ZNF138: variants seen among roughly 807,000 people sequenced by gnomAD.
The protein encoded by ZNF138 is zinc finger protein 138, also known as zinc finger protein 138 (clone pHZ-32).
Under a neutral mutation model 33.0 loss-of-function variants are expected in ZNF138, and 33 were observed. The ratio of observed to expected loss-of-function variants is 1.00; its 90% CI spans 0.76 to 1.34. ZNF138 has a LOEUF of 1.34. Ranked by LOEUF, ZNF138 falls within the 40% of genes most tolerant of loss-of-function variation. ZNF138 has a pLI of 0.00. For synonymous variants in ZNF138, 139 were observed against 120.4 expected (o/e 1.15, Z -1.01); for missense variants, 360 against 370.8 (o/e 0.97, Z 0.24).
intron 3 of ZNF138, 94 bp from the exon 4 acceptor site, chr7:64,831,357 T>C: frequency 8.5e-7 from 1 of 1,179,960 alleles, no homozygotes; most frequent in Non-Finnish European, 1.2e-6. Flanking sequence ...CCATCTTGCT[T>C]ATGTAGTTTG....
chr7:64,817,545 A>G lies in ZNF138; in HGVS notation c.208+1892A>G, dbSNP rs542303633. ...TATTTTTGACATGGGGTCTTGCTAC[A>G]TAACCCAAGCTGGTCTTGAAATCCT... On this transcript the variant is annotated intron_variant, in intron 3 of 3. Coordinates refer to ENST00000307355, the MANE Select transcript of ZNF138 (RefSeq NM_001271639.2). 3.4e-3 allele frequency among the ~76,000 whole-genome samples: 521 copies of G among 152,314 alleles called. 8 individuals are homozygous for G. The highest frequency in any genetic ancestry group is 0.012 in the African/African-American group (502 of 41,562).
chr7:64,839,697 G>A, the ZNF138 span, among the ~76,000 whole-genome samples: 1 of 152,150 alleles, frequency 6.6e-6, no homozygotes, highest in Admixed American at 6.5e-5. Context: ...ATGGACCGAT[G>A]GCCGTGGAGG....
intron 1 of ZNF138, among the ~76,000 whole-genome samples, chr7:64,800,820 T>G (rs192379116): frequency 1.3e-5 from 2 of 152,286 alleles, no homozygotes; most frequent in African/African-American, 4.8e-5. Flanking sequence ...TCCTGGGCTT[T>G]TTTTGGTTGC....
At chr7:64,811,859 A>G (rs978932811) in intron 1 of ZNF138, among the ~76,000 whole-genome samples, 1 of 152,222 alleles carries the variant, frequency 6.6e-6, no homozygotes, top group Non-Finnish European at 1.5e-5. Context: ...ACTCCCATTC[A>G]TGAACCCTTT....
intron 3 of ZNF138, among the ~76,000 whole-genome samples, chr7:64,825,986 A>G (rs1467575813): frequency 1.3e-5 from 2 of 151,926 alleles, no homozygotes; most frequent in Non-Finnish European, 2.9e-5. Flanking sequence ...CGTAAGTACC[A>G]TTACACCCAG....
chr7:64,830,468 TG>T (rs1789994877), intron 3 of ZNF138, among the ~76,000 whole-genome samples: 1 of 152,122 alleles, frequency 6.6e-6, no homozygotes, highest in Non-Finnish European at 1.5e-5. Flanking sequence ...AAAATATATT[TG>T]TGCATCTTTT....
In ZNF138 at chr7:64,825,475, A is replaced by G. The variant is rs146355117; in HGVS notation, c.209-5976A>G. ...CCTGAGCCACCGCACCCGGGATTGT[A>G]TGCTTTTTTCTTAAGCCACTCGGGC... is the stretch of plus-strand genomic sequence containing the variant. On this transcript the variant is annotated intron_variant, in intron 3 of 3. Transcript: ENST00000307355. Among the ~76,000 whole-genome samples, 1,157 of 147,536 alleles carry G rather than the reference A, an allele frequency of 7.8e-3. 7 individuals carry two copies. Among genetic ancestry groups the G allele is most frequent in the Middle Eastern group, 0.016 (4 of 258 alleles).
downstream of ZNF138, chr7:64,835,838 A>G (rs1040923430): frequency 3.9e-5 from 6 of 152,150 alleles, no homozygotes; most frequent in South Asian, 2.1e-4. Context: ...CCTAGCCCTG[A>G]TGCCACTAAG....
chr7:64,797,157 A>G (rs1426185702), intron 1 of ZNF138, among the ~76,000 whole-genome samples: 1 of 152,276 alleles, frequency 6.6e-6, no homozygotes, highest in East Asian at 1.9e-4. Flanking sequence ...TTTTCAGGGT[A>G]CATTTCAGTG....
intron 1 of ZNF138, among the ~76,000 whole-genome samples, chr7:64,803,256 A>AG (rs1378338931): frequency 2.5e-5 from 3 of 122,384 alleles, no homozygotes; most frequent in Admixed American, 8.7e-5. Flanking sequence ...GCTTTGGCAA[A>AG]GGTTTTTTTT....
chr7:64,812,792 A>G (rs1326392675), intron 1 of ZNF138, among the ~76,000 whole-genome samples: 2 of 151,830 alleles, frequency 1.3e-5, no homozygotes, highest in Non-Finnish European at 2.9e-5. Context: ...TAATTTGTCC[A>G]GAGAATCTCA....
intron 3 of ZNF138, among the ~76,000 whole-genome samples, chr7:64,825,936 G>C (rs562493694): frequency 1.3e-5 from 2 of 152,240 alleles, no homozygotes; most frequent in East Asian, 3.9e-4. Flanking sequence ...CCCAAACTCA[G>C]ATGATCCTTT....
At chr7:64,860,018 TC>T in the ZNF138 span, among the ~76,000 whole-genome samples, 2 of 152,160 alleles carry the variant, frequency 1.3e-5, no homozygotes, top group Non-Finnish European at 2.9e-5. Flanking sequence ...GCACCTATGA[TC>T]CCAGCTACTC....
Position 64,801,208 on chromosome 7 carries a change from G to A in ZNF138, c.3+6637G>A, listed in dbSNP as rs148795001. Among the ~76,000 whole-genome samples the A allele has an allele frequency of 5.3e-5, 8 of 152,094 alleles. No individual in the cohort carries two copies. In the East Asian group the frequency reaches 1.5e-3, roughly 29 times the overall value. On this transcript the variant is annotated intron_variant, in intron 1 of 3. Transcript: ENST00000307355. ...TTATTTTTTGCCTTCTGCTAGCTTA[G>A]GGGTTTGTTTCCCCTTGCTTCTCTC... is the stretch of plus-strand genomic sequence containing the variant.
At chr7:64,824,426 T>C (rs1463202869) in intron 3 of ZNF138, among the ~76,000 whole-genome samples, 6 of 152,354 alleles carry the variant, frequency 3.9e-5, no homozygotes, top group Non-Finnish European at 7.3e-5. Flanking sequence ...CTTTTTTCTT[T>C]ACAGATTATC....
In ZNF138 at chr7:64,814,898, T is replaced by C. The variant is rs532285333; in HGVS notation, c.4-20T>C. On this transcript the variant is annotated intron_variant, in intron 1 of 3. Coordinates refer to ENST00000307355, the MANE Select transcript of ZNF138 (RefSeq NM_001271639.2). Reference sequence around the variant, plus strand: ...TACTTGGTTAATGTGTGTGTGTGTTTGTGTGTGCGTGTTTTTCAGGGACCA... The same window carrying C: ...TACTTGGTTAATGTGTGTGTGTGTTCGTGTGTGCGTGTTTTTCAGGGACCA... The C allele has an allele frequency of 2.7e-5, 43 of 1,609,498 alleles. No homozygotes were observed. The South Asian group carries it at 4.6e-4, about 17-fold the overall frequency.
intron 1 of ZNF138, among the ~76,000 whole-genome samples, chr7:64,808,719 C>G (rs891570803): frequency 2.1e-5 from 3 of 144,324 alleles, no homozygotes; most frequent in African/African-American, 5.0e-5. Flanking sequence ...CTCTGGTTTT[C>G]CTAGGCAGAG....
intron 3 of ZNF138, among the ~76,000 whole-genome samples, chr7:64,825,088 A>G (rs1583875628): frequency 6.9e-6 from 1 of 145,664 alleles, no homozygotes; most frequent in East Asian, 2.1e-4. Flanking sequence ...AAAGTGCTGG[A>G]ATTTCAAGTG....
the ZNF138 span, among the ~76,000 whole-genome samples, chr7:64,844,439 G>A: frequency 2.0e-5 from 3 of 151,956 alleles, no homozygotes; most frequent in African/African-American, 7.3e-5. Flanking sequence ...ATAGCAAAAG[G>A]GAACTTGGGC....
Sources: gnomAD v4.1 joint callset for allele counts (sites outside exome capture counted in the v4.1 genomes callset) on GRCh38, gnomAD v4.1.1 for gene constraint, MANE v1.5 for transcripts, NCBI Gene and HGNC (gene_info 2026-07-23, HGNC 2026-07-21) for gene names.